Variants in WHRN observed in about 807,000 individuals in gnomAD.
WHRN encodes whirlin.
In WHRN, 41 loss-of-function variants were observed where a neutral mutation model predicts 68.3. The ratio of observed to expected loss-of-function variants is 0.60; its 90% CI spans 0.47 to 0.78. The LOEUF is 0.78. WHRN is among the 30% of genes least tolerant of loss of function. The pLI is 0.00. For synonymous variants in WHRN, 560 were observed against 561.3 expected (o/e 1.00, Z 0.03); for missense variants, 1,243 against 1,244.7 (o/e 1.00, Z 0.02).
intron 2 of WHRN, among the ~76,000 whole-genome samples, chr9:114,470,093 T>A (rs559888785): frequency 6.6e-6 from 1 of 152,256 alleles, no homozygotes; most frequent in African/African-American, 2.4e-5. Context: ...GCAACATCCC[T>A]TTTGCTATAT....
At chr9:114,468,609 T>C (rs1840923841) in intron 2 of WHRN, among the ~76,000 whole-genome samples, 1 of 152,092 alleles carries the variant, frequency 6.6e-6, no homozygotes, top group East Asian at 1.9e-4. Context: ...CTCTGTGGGA[T>C]GGGCCCAGCT....
At chr9:114,431,808 G>A (rs1261434171) in intron 3 of WHRN, among the ~76,000 whole-genome samples, 2 of 152,164 alleles carry the variant, frequency 1.3e-5, no homozygotes, top group Non-Finnish European at 2.9e-5. Context: ...CTTCCAAGGC[G>A]TCTCTTATAG....
intron 6 of WHRN, 49 bp from the exon 7 acceptor site, chr9:114,423,572 G>A: frequency 2.6e-6 from 4 of 1,541,532 alleles, no homozygotes; most frequent in Non-Finnish European, 3.5e-6. Context: ...CTACTAGAAG[G>A]TGGAACAGGG....
chr9:114,469,126 G>T (rs1564192754), intron 2 of WHRN, among the ~76,000 whole-genome samples: 1 of 152,038 alleles, frequency 6.6e-6, no homozygotes, highest in African/African-American at 2.4e-5. Flanking sequence ...TAGGGTCGTG[G>T]CTGGCACAGG....
At chr9:114,499,850 TAAAC>T (rs1843775467) in intron 1 of WHRN, among the ~76,000 whole-genome samples, 4 of 152,186 alleles carry the variant, frequency 2.6e-5, no homozygotes, top group African/African-American at 7.2e-5. Context: ...TGGCAAGTAA[TAAAC>T]AAAGCTGGGT....
rs200605297 is a variant in WHRN, at chr9:114,478,694, G to A, written c.696C>T (p.His232=). The change falls in exon 2 of 12, where the codon CAC becomes CAT. Residue 232 remains histidine, a synonymous_variant. Coordinates refer to ENST00000362057, the MANE Select transcript of WHRN (RefSeq NM_015404.4). Reference sequence around the variant, plus strand: ...CCTGCGGGTCCACCCAGGTGTAGATGTGGTTGGTGACGTAGCCCCCAGGGA... The same window carrying A: ...CCTGCGGGTCCACCCAGGTGTAGATATGGTTGGTGACGTAGCCCCCAGGGA... ...GRIPGGYVTN[H]IYTWVDPQGR... The A allele has an allele frequency of 4.4e-6, 7 of 1,609,188 alleles. No homozygotes were observed. In the East Asian group the frequency reaches 6.7e-5, roughly 15 times the overall value.
chr9:114,479,155 T>A (rs1841903196), intron 1 of WHRN, among the ~76,000 whole-genome samples: 1 of 152,198 alleles, frequency 6.6e-6, no homozygotes, highest in South Asian at 2.1e-4. Context: ...GTGCTTAGAC[T>A]GTCTGTAAAC....
chr9:114,466,965 C>T (rs1018364353), intron 2 of WHRN, among the ~76,000 whole-genome samples: 3 of 150,932 alleles, frequency 2.0e-5, no homozygotes, highest in Non-Finnish European at 4.4e-5. Flanking sequence ...TCTCCTGTCT[C>T]CCCAAGGGTC....
At chr9:114,423,234 C>T in intron 7 of WHRN, 80 bp downstream of exon 7, 7 of 1,468,150 alleles carry the variant, frequency 4.8e-6, no homozygotes, top group Non-Finnish European at 6.7e-6. Flanking sequence ...GGGATTCGAA[C>T]TCAGGCTGGT....
At chr9:114,425,357 G>C in intron 4 of WHRN, 1 of 600,038 alleles carries the variant, frequency 1.7e-6, no homozygotes, top group Non-Finnish European at 3.0e-6. Context: ...CTCAGGGTCA[G>C]GCCAACCCTC....
At chr9:114,464,783 G>A (rs1436646624) in intron 3 of WHRN, among the ~76,000 whole-genome samples, 1 of 151,728 alleles carries the variant, frequency 6.6e-6, no homozygotes, top group Non-Finnish European at 1.5e-5. Context: ...CTGGGAAAGG[G>A]GAGATATGGT....
chr9:114,470,456 T>A (rs892808549), intron 2 of WHRN, among the ~76,000 whole-genome samples: 4 of 152,042 alleles, frequency 2.6e-5, no homozygotes, highest in African/African-American at 9.7e-5. Context: ...GAGGGTGCCA[T>A]GAGCCAGGCT....
intron 3 of WHRN, among the ~76,000 whole-genome samples, chr9:114,452,527 T>C (rs1335363083): frequency 6.6e-6 from 1 of 152,262 alleles, no homozygotes; most frequent in East Asian, 1.9e-4. Flanking sequence ...CCAAAGCTCC[T>C]ATCTTGAGCA....
Position 114,423,298 on chromosome 9 carries a change from G to T in WHRN, c.1626+16C>A, listed in dbSNP as rs1311465688. The T allele has an allele frequency of 6.2e-7, 1 of 1,613,364 alleles. No individual in the cohort carries two copies. Among genetic ancestry groups the T allele is most frequent in the African/African-American group, 1.3e-5 (1 of 74,880 alleles). ...GCCCTGGCTACTAAGCCAGGGACAA[G>T]GCAGAAGAAGCTCACCCTGGCCGAG... On this transcript the variant is annotated intron_variant, in intron 7 of 11. Coordinates refer to ENST00000362057, the MANE Select transcript of WHRN (RefSeq NM_015404.4).
intron 1 of WHRN, among the ~76,000 whole-genome samples, chr9:114,494,021 C>T (rs1286783057): frequency 6.6e-6 from 1 of 152,192 alleles, no homozygotes; most frequent in Non-Finnish European, 1.5e-5. Context: ...AAATCCTAGT[C>T]CCACCACCCC....
At chr9:114,408,686 A>C (rs887539229) in intron 7 of WHRN, among the ~76,000 whole-genome samples, 2 of 152,252 alleles carry the variant, frequency 1.3e-5, no homozygotes, top group African/African-American at 4.8e-5. Flanking sequence ...TAGAGCCCAG[A>C]ATGGAAAAGA....
intron 7 of WHRN, among the ~76,000 whole-genome samples, chr9:114,410,036 A>G (rs1835320930): frequency 6.6e-6 from 1 of 151,936 alleles, no homozygotes; most frequent in South Asian, 2.1e-4. Context: ...CGAGCTCATT[A>G]CTGCCCCAGG....
intron 3 of WHRN, among the ~76,000 whole-genome samples, chr9:114,464,179 G>A (rs528404034): frequency 2.6e-5 from 4 of 152,196 alleles, no homozygotes; most frequent in Non-Finnish European, 5.9e-5. Context: ...GTATCATGAG[G>A]TCAAACAAGT....
intron 3 of WHRN, among the ~76,000 whole-genome samples, chr9:114,429,585 T>C (rs982158710): frequency 6.6e-6 from 1 of 152,250 alleles, no homozygotes; most frequent in African/African-American, 2.4e-5. Flanking sequence ...AGCTCCCCGG[T>C]TGAGAAGCCA....
Sources: gnomAD v4.1 joint callset for allele counts (sites outside exome capture counted in the v4.1 genomes callset) on GRCh38, gnomAD v4.1.1 for gene constraint, MANE v1.5 for transcripts, NCBI Gene and HGNC (gene_info 2026-07-23, HGNC 2026-07-21) for gene names.